CNTN1: variants seen among roughly 807,000 people sequenced by gnomAD.
The protein encoded by CNTN1 is contactin 1.
CNTN1 carries 38 observed loss-of-function variants against 126.4 expected under a neutral mutation model. That is an observed-to-expected ratio of 0.30 (90% CI 0.23 to 0.39). CNTN1 has a LOEUF of 0.39. CNTN1 is among the 10% of genes least tolerant of loss of function. The pLI, the probability that CNTN1 is intolerant of heterozygous loss-of-function variation, is 1.00. For synonymous variants in CNTN1, 413 were observed against 422.6 expected (o/e 0.98, Z 0.28); for missense variants, 1,009 against 1,248.4 (o/e 0.81, Z 2.89).
intron 1 of CNTN1, among the ~76,000 whole-genome samples, chr12:40,841,791 C>A (rs566277871): frequency 6.6e-6 from 1 of 152,088 alleles, no homozygotes; most frequent in South Asian, 2.1e-4. Context: ...ATAATAAAGG[C>A]CGTATAGGAC....
At chr12:40,999,811 T>C (rs953626317) in intron 17 of CNTN1, among the ~76,000 whole-genome samples, 3 of 148,506 alleles carry the variant, frequency 2.0e-5, no homozygotes, top group Non-Finnish European at 4.5e-5. Context: ...CACGCCATTC[T>C]CCTGCCTCAG....
intron 23 of CNTN1, among the ~76,000 whole-genome samples, chr12:41,068,030 A>G (rs939102730): frequency 6.6e-6 from 1 of 152,148 alleles, no homozygotes; most frequent in African/African-American, 2.4e-5. Context: ...GCCTTGATAC[A>G]TTAAGTGCAG....
chr12:40,695,801 C>T (rs188015554), intron 1 of CNTN1, among the ~76,000 whole-genome samples: 93 of 152,226 alleles, frequency 6.1e-4, no homozygotes, highest in African/African-American at 2.0e-3. Context: ...TCCCTCTTAT[C>T]TTCTCTTTCT....
At chr12:40,812,636 T>C (rs1441232644) in intron 1 of CNTN1, among the ~76,000 whole-genome samples, 2 of 152,188 alleles carry the variant, frequency 1.3e-5, no homozygotes, top group Non-Finnish European at 2.9e-5. Context: ...GAATTCACTC[T>C]TTTATCATGA....
At chr12:40,914,197 G>C (rs893808788) in intron 3 of CNTN1, among the ~76,000 whole-genome samples, 7 of 152,068 alleles carry the variant, frequency 4.6e-5, no homozygotes, top group Admixed American at 1.3e-4. Flanking sequence ...AAAATCAATA[G>C]ATGACAGTAT....
intron 1 of CNTN1, among the ~76,000 whole-genome samples, chr12:40,747,515 C>T (rs1016735815): frequency 6.6e-6 from 1 of 152,042 alleles, no homozygotes; most frequent in African/African-American, 2.4e-5. Flanking sequence ...GCCTGGTGCA[C>T]AGTGATGCAT....
At chr12:41,057,865 G>A (rs1049217839) in intron 23 of CNTN1, among the ~76,000 whole-genome samples, 31 of 152,116 alleles carry the variant, frequency 2.0e-4, no homozygotes, top group African/African-American at 7.2e-4. Context: ...AGTCGTGAGA[G>A]ATTCTAGAGC....
rs897548205 is a variant in CNTN1 at position 40,976,461 on chromosome 12, C to T, written c.1805-4448C>T. On this transcript the variant is annotated intron_variant, in intron 15 of 23. Transcript: ENST00000551295. ...AGTAAAGTAATAGTGAAATAAGCTG[C>T]ATGCATCAGGCCATTTGCTTACATT... 2.0e-5 allele frequency among the ~76,000 whole-genome samples: 3 copies of T among 151,414 alleles called. No individual in the cohort carries two copies. The South Asian group carries it at 6.2e-4, about 32-fold the overall frequency.
At chr12:40,795,308 CACACACACACA>C (rs1842762893) in intron 1 of CNTN1, among the ~76,000 whole-genome samples, 2 of 13,162 alleles carry the variant, frequency 1.5e-4, no homozygotes, top group African/African-American at 2.3e-4. Context: ...CACACACACA[CACACACACACA>C]TTTTTTTTTT....
rs1394450738 is a variant in CNTN1 at position 40,766,278 on chromosome 12, A to AC, written c.-77+73689dup. ...AAGCTGAGGCAGGAGAGTCACTTGA[A>AC]CCCGGGAAGTGGTGGTTTCAGTGAG... On this transcript the variant is annotated intron_variant, in intron 1 of 23. Transcript: ENST00000551295. Among the ~76,000 whole-genome samples the AC allele has an allele frequency of 2.0e-5, 3 of 151,410 alleles. No individual in the cohort carries two copies. The South Asian group carries it at 6.3e-4, about 32-fold the overall frequency.
intron 20 of CNTN1, among the ~76,000 whole-genome samples, chr12:41,023,288 A>G (rs915897102): frequency 1.3e-5 from 2 of 152,190 alleles, no homozygotes; most frequent in African/African-American, 4.8e-5. Flanking sequence ...ATTTCCTGAC[A>G]TTTCAAATGA....
chr12:40,924,832 A>G (rs1945582601), intron 6 of CNTN1, among the ~76,000 whole-genome samples, 180 bp downstream of exon 6: 2 of 146,600 alleles, frequency 1.4e-5, no homozygotes. Context: ...TTCTTGGCTC[A>G]GTCACCTGGC....
intron 16 of CNTN1, among the ~76,000 whole-genome samples, chr12:40,988,871 G>T (rs1473245197): frequency 6.6e-6 from 1 of 152,126 alleles, no homozygotes; most frequent in African/African-American, 2.4e-5. Flanking sequence ...ATACTGTTAA[G>T]ATCTGATTTT....
At chr12:40,739,224 A>G (rs1937829603) in intron 1 of CNTN1, among the ~76,000 whole-genome samples, 1 of 152,060 alleles carries the variant, frequency 6.6e-6, no homozygotes, top group Non-Finnish European at 1.5e-5. Context: ...GTTTGTAGTA[A>G]TGAAAAACTG....
Position 40,913,221 on chromosome 12 carries a change from T to C in CNTN1, c.94+3116T>C, listed in dbSNP as rs536074278. Among the ~76,000 whole-genome samples the C allele has an allele frequency of 3.9e-5, 6 of 152,354 alleles. No individual in the cohort carries two copies. The East Asian group carries it at 1.2e-3, about 29-fold the overall frequency. ...TAGTTATAAAAAAGTACTGCAATGTTACCTATTACCCATGACCCTAAAAAA... is the reference window on the plus strand; with the variant it reads ...TAGTTATAAAAAAGTACTGCAATGTCACCTATTACCCATGACCCTAAAAAA... On this transcript the variant is annotated intron_variant, in intron 3 of 23. Coordinates refer to ENST00000551295, the MANE Select transcript of CNTN1 (RefSeq NM_001843.4).
At chr12:40,792,940 C>A (rs966883698) in intron 1 of CNTN1, among the ~76,000 whole-genome samples, 1 of 152,116 alleles carries the variant, frequency 6.6e-6, no homozygotes, top group Non-Finnish European at 1.5e-5. Flanking sequence ...CTCTGAAAAG[C>A]TTCCCTTTGT....
intron 16 of CNTN1, among the ~76,000 whole-genome samples, chr12:40,992,028 A>C (rs1341141805): frequency 1.3e-5 from 2 of 152,230 alleles, no homozygotes; most frequent in African/African-American, 4.8e-5. Context: ...GGAGATAAAG[A>C]GGTAGAAATC....
rs56172264 is a variant in CNTN1, at chr12:40,933,689, A to G, written c.804-8A>G. On this transcript the variant is annotated splice_region_variant and splice_polypyrimidine_tract_variant and intron_variant, in intron 8 of 23. Coordinates refer to ENST00000551295, the MANE Select transcript of CNTN1 (RefSeq NM_001843.4). ...TGAAACTTTAACCCTTGTATCTTCT[A>G]TTTAAAGTCCTGTTCCGGATATCCG... The G allele has an allele frequency of 1.2e-3, 2,000 of 1,612,208 alleles. 4 individuals are homozygous for G. The highest frequency in any genetic ancestry group is 1.2e-3 in the Non-Finnish European group (1,425 of 1,178,608).
chr12:40,721,253 T>C (rs1942202283), intron 1 of CNTN1, among the ~76,000 whole-genome samples: 1 of 152,036 alleles, frequency 6.6e-6, no homozygotes, highest in African/African-American at 2.4e-5. Context: ...CATGTGCCAG[T>C]TTGTCATGTT....
Sources: allele counts gnomAD v4.1 joint callset (sites outside exome capture counted in the v4.1 genomes callset), GRCh38; gene constraint gnomAD v4.1.1; transcripts MANE v1.5; gene names NCBI Gene and HGNC (gene_info 2026-07-23, HGNC 2026-07-21).